SLC35F3: variants seen among roughly 807,000 people sequenced by gnomAD.
SLC35F3 encodes solute carrier family 35 member F3, also known as putative thiamine transporter SLC35F3.
In SLC35F3, 25 loss-of-function variants were observed where a neutral mutation model predicts 49.9. The ratio of observed to expected loss-of-function variants is 0.50; its 90% CI spans 0.37 to 0.70. The LOEUF (loss-of-function observed/expected upper bound fraction) is 0.70. Ranked by LOEUF, SLC35F3 falls within the 30% of genes least tolerant of loss-of-function variation. SLC35F3 has a pLI of 0.00. For missense variants in SLC35F3, 525 were observed against 639.8 expected (o/e 0.82, Z 1.94); for synonymous variants, 275 against 265.4 (o/e 1.04, Z -0.35).
At chr1:233,956,995 G>A (rs961911409) in intron 2 of SLC35F3, among the ~76,000 whole-genome samples, 4 of 152,324 alleles carry the variant, frequency 2.6e-5, no homozygotes, top group South Asian at 2.1e-4. Flanking sequence ...GGAGGGCATC[G>A]ACCTCTTCTG....
chr1:234,110,740 G>C (rs889405512), intron 2 of SLC35F3, among the ~76,000 whole-genome samples: 13 of 152,256 alleles, frequency 8.5e-5, no homozygotes, highest in Admixed American at 7.2e-4. Context: ...AATTTGGAAG[G>C]GTTTTTAGCC....
chr1:234,051,751 A>G (rs1181623497), intron 2 of SLC35F3, among the ~76,000 whole-genome samples: 1 of 152,142 alleles, frequency 6.6e-6, no homozygotes, highest in Non-Finnish European at 1.5e-5. Context: ...GTTTTTGCCC[A>G]TTCAGTATGA....
At chr1:234,273,637 CCTCAGAAGGA>C (rs565424634) in intron 3 of SLC35F3, among the ~76,000 whole-genome samples, 9,127 of 152,250 alleles carry the variant, frequency 0.06, 325 homozygotes, top group African/African-American at 0.097. Flanking sequence ...GGCTGGATGG[CCTCAGAAGGA>C]TGGCTTCAGA....
intron 2 of SLC35F3, among the ~76,000 whole-genome samples, chr1:234,111,940 G>A (rs1173789314): frequency 2.6e-5 from 4 of 152,176 alleles, no homozygotes; most frequent in East Asian, 1.9e-4. Flanking sequence ...GGAGACAAGC[G>A]CCTGAGAATA....
Position 234,062,365 on chromosome 1 carries a change from C to T in SLC35F3, c.283+156607C>T, listed in dbSNP as rs115667222. Among the ~76,000 whole-genome samples, 455 of 152,300 alleles carry T rather than the reference C, an allele frequency of 3.0e-3. 2 individuals are homozygous for T. Among genetic ancestry groups the T allele is most frequent in the African/African-American group, 9.9e-3 (411 of 41,566 alleles). On this transcript the variant is annotated intron_variant, in intron 2 of 7. Transcript: ENST00000366618. ...CACACCTAGTTATTAAACTCCACTA[C>T]GCACAAACTGGTTATGTCCTGGGGG...
chr1:234,014,949 C>T (rs1379590094), intron 2 of SLC35F3, among the ~76,000 whole-genome samples: 2 of 152,162 alleles, frequency 1.3e-5, no homozygotes, highest in Non-Finnish European at 2.9e-5. Context: ...ATTTCAGTAA[C>T]ACTTTTCACA....
chr1:233,999,870 C>G (rs143819974), intron 2 of SLC35F3, among the ~76,000 whole-genome samples: 5 of 152,128 alleles, frequency 3.3e-5, no homozygotes, highest in African/African-American at 9.7e-5. Flanking sequence ...ATACCAAACA[C>G]AGAAGATGAT....
intron 2 of SLC35F3, among the ~76,000 whole-genome samples, chr1:233,951,846 A>G (rs143084086): frequency 1.3e-5 from 2 of 152,232 alleles, no homozygotes; most frequent in African/African-American, 2.4e-5. Context: ...TGCTGAGATT[A>G]TAGGCATGAA....
intron 2 of SLC35F3, among the ~76,000 whole-genome samples, chr1:234,216,772 AG>A (rs1667128909): frequency 6.6e-6 from 1 of 152,344 alleles, no homozygotes; most frequent in South Asian, 2.1e-4. Flanking sequence ...GTAAAAGAGA[AG>A]GAACAACCTA....
At chr1:234,069,690 C>G (rs1334848248) in intron 2 of SLC35F3, among the ~76,000 whole-genome samples, 1 of 152,214 alleles carries the variant, frequency 6.6e-6, no homozygotes, top group Non-Finnish European at 1.5e-5. Flanking sequence ...CCAGGGTCCT[C>G]AGAACAGGGG....
At chr1:234,186,385 G>T (rs891185690) in intron 2 of SLC35F3, among the ~76,000 whole-genome samples, 2 of 152,212 alleles carry the variant, frequency 1.3e-5, no homozygotes, top group Non-Finnish European at 2.9e-5. Flanking sequence ...GAGATTCAGC[G>T]GAAGGACTGA....
chr1:233,985,814 C>T (rs1170031133), intron 2 of SLC35F3, among the ~76,000 whole-genome samples: 1 of 152,228 alleles, frequency 6.6e-6, no homozygotes, highest in African/African-American at 2.4e-5. Context: ...TATGTGGGTG[C>T]AGACTTTGGG....
chr1:233,945,882 G>A (rs1034703641), intron 2 of SLC35F3, among the ~76,000 whole-genome samples: 1 of 152,164 alleles, frequency 6.6e-6, no homozygotes, highest in African/African-American at 2.4e-5. Context: ...GCAATCTCAG[G>A]TATGTCTTTA....
intron 2 of SLC35F3, among the ~76,000 whole-genome samples, chr1:233,979,300 G>A (rs1663142109): frequency 6.6e-6 from 1 of 152,112 alleles, no homozygotes; most frequent in African/African-American, 2.4e-5. Context: ...CACGTTAGGG[G>A]ATTTTTAACT....
intron 2 of SLC35F3, among the ~76,000 whole-genome samples, chr1:234,047,749 A>G (rs1285110585): frequency 6.6e-6 from 1 of 152,084 alleles, no homozygotes; most frequent in East Asian, 1.9e-4. Context: ...ACTAATATAG[A>G]TTTTGGTGGA....
chr1:234,181,557 C>A (rs998004726), intron 2 of SLC35F3, among the ~76,000 whole-genome samples: 3 of 152,234 alleles, frequency 2.0e-5, no homozygotes, highest in South Asian at 2.1e-4. Context: ...TCTAAAATAT[C>A]TTTTAATCTA....
At chr1:234,287,265 G>C (rs532099392) in intron 3 of SLC35F3, among the ~76,000 whole-genome samples, 11 of 152,114 alleles carry the variant, frequency 7.2e-5, no homozygotes, top group Non-Finnish European at 1.6e-4. Flanking sequence ...ACTGCATTTT[G>C]CCACATACAC....
At chr1:234,278,253 G>A (rs1668244633) in intron 3 of SLC35F3, among the ~76,000 whole-genome samples, 1 of 152,092 alleles carries the variant, frequency 6.6e-6, no homozygotes, top group Non-Finnish European at 1.5e-5. Flanking sequence ...CACTTTGAGA[G>A]GCCAAGGCTG....
chr1:234,126,116 C>A (rs1457764172), intron 2 of SLC35F3, among the ~76,000 whole-genome samples: 1 of 152,178 alleles, frequency 6.6e-6, no homozygotes, highest in Non-Finnish European at 1.5e-5. Flanking sequence ...TATGTCCATT[C>A]TTTATGCTCA....
Sources: gnomAD v4.1 joint callset for allele counts (sites outside exome capture counted in the v4.1 genomes callset) on GRCh38, gnomAD v4.1.1 for gene constraint, MANE v1.5 for transcripts, NCBI Gene and HGNC (gene_info 2026-07-23, HGNC 2026-07-21) for gene names.